Variants in ZFHX3 observed in about 807,000 individuals in gnomAD.
The protein encoded by ZFHX3 is zinc finger homeobox protein 3.
ZFHX3 carries 42 observed loss-of-function variants against 279.1 expected under a neutral mutation model. The observed-to-expected ratio is 0.15, with a 90% CI of 0.12 to 0.19. The LOEUF is 0.19. Among genes scored for constraint, ZFHX3 ranks in the 10% least tolerant of loss-of-function variants. The probability of loss-of-function intolerance (pLI) is 1.00; values close to 1 mark genes in which losing one functional copy is unlikely to be tolerated. For missense variants in ZFHX3, 4,981 were observed against 4,754.0 expected, an observed-to-expected ratio of 1.05 and a Z score of -1.40; for synonymous variants, 2,293 against 1,957.8, an observed-to-expected ratio of 1.17 and a Z score of -4.52.
rs570170594 is a variant in ZFHX3, at chr16:73,342,314, A to G, written c.-1290-23978T>C. On this transcript the variant is annotated intron_variant, in intron 3 of 17. Transcript: ENST00000641206. ...TGACCCAGGAATGTCACGTTTAGGA[A>G]TTCACCTAGGTAATTTATCCTGAAG... 1.3e-4 allele frequency among the ~76,000 whole-genome samples: 20 copies of G among 152,330 alleles called. No homozygotes were observed. The South Asian group carries it at 3.1e-3, about 24-fold the overall frequency.
intron 5 of ZFHX3, among the ~76,000 whole-genome samples, chr16:73,174,895 A>G (rs965358214): frequency 6.7e-6 from 1 of 148,380 alleles, no homozygotes; most frequent in African/African-American, 2.5e-5. Flanking sequence ...TTAGCCAGGC[A>G]TGGCGGCACA....
intron 7 of ZFHX3, among the ~76,000 whole-genome samples, chr16:72,802,372 G>T (rs914048559): frequency 2.6e-5 from 4 of 152,068 alleles, no homozygotes; most frequent in Non-Finnish European, 4.4e-5. Flanking sequence ...AGTAAGCAGC[G>T]GTTCTTTGTC....
intron 1 of ZFHX3, among the ~76,000 whole-genome samples, chr16:73,784,810 T>C (rs764461459): frequency 0.09 from 12,330 of 137,564 alleles, 1,859 homozygotes; most frequent in African/African-American, 0.32. Context: ...TATATATATA[T>C]ATATATACAC....
At chr16:73,507,071 A>G (rs1167894296) in intron 2 of ZFHX3, among the ~76,000 whole-genome samples, 1 of 151,636 alleles carries the variant, frequency 6.6e-6, no homozygotes. Flanking sequence ...TTCTACTGAC[A>G]CTCTTGGGAC....
intron 3 of ZFHX3, among the ~76,000 whole-genome samples, chr16:73,319,829 A>G (rs2015536875): frequency 6.6e-6 from 1 of 152,230 alleles, no homozygotes; most frequent in Admixed American, 6.5e-5. Flanking sequence ...GCGAAGAAGA[A>G]GAGAGAGGAG....
chr16:72,882,249 A>G (rs1278511964), intron 4 of ZFHX3, among the ~76,000 whole-genome samples: 1 of 142,588 alleles, frequency 7.0e-6, no homozygotes, highest in Admixed American at 7.5e-5. Flanking sequence ...TGCTTCTCCC[A>G]GTGGGCAGCG....
chr16:73,786,366 C>G (rs1229673814), intron 1 of ZFHX3, among the ~76,000 whole-genome samples: 2 of 152,094 alleles, frequency 1.3e-5, no homozygotes, highest in Non-Finnish European at 2.9e-5. Flanking sequence ...TCTGGATAAG[C>G]ATTTTCTATT....
chr16:73,650,231 A>G (rs2052657697), intron 2 of ZFHX3, among the ~76,000 whole-genome samples: 1 of 152,152 alleles, frequency 6.6e-6, no homozygotes, highest in Non-Finnish European at 1.5e-5. Flanking sequence ...TAAGATTATC[A>G]AAGATCTGAA....
At chr16:73,285,947 T>G (rs2143077768) in intron 4 of ZFHX3, among the ~76,000 whole-genome samples, 2 of 152,370 alleles carry the variant, frequency 1.3e-5, no homozygotes, top group South Asian at 4.1e-4. Flanking sequence ...TTGCATATAT[T>G]ATATTTTAAA....
At chr16:73,606,765 T>C (rs904828860) in intron 2 of ZFHX3, among the ~76,000 whole-genome samples, 2 of 152,038 alleles carry the variant, frequency 1.3e-5, no homozygotes, top group African/African-American at 4.8e-5. Flanking sequence ...CCAGTGTGTG[T>C]TGTTTCCCCA....
At chr16:73,299,229 T>C (rs1449836281) in intron 4 of ZFHX3, among the ~76,000 whole-genome samples, 1 of 152,200 alleles carries the variant, frequency 6.6e-6, no homozygotes, top group African/African-American at 2.4e-5. Flanking sequence ...TGCAGCCAGA[T>C]ATTGAAATAA....
intron 1 of ZFHX3, among the ~76,000 whole-genome samples, chr16:73,699,179 T>A (rs1394174197): frequency 1.3e-5 from 2 of 152,200 alleles, no homozygotes; most frequent in African/African-American, 4.8e-5. Context: ...AATTGTATTG[T>A]ATCAATGTCA....
At chr16:73,191,666 T>C (rs920665724) in intron 5 of ZFHX3, among the ~76,000 whole-genome samples, 3 of 151,924 alleles carry the variant, frequency 2.0e-5, no homozygotes, top group Admixed American at 6.6e-5. Flanking sequence ...GTAAGTCTGA[T>C]CTCTCTCTGG....
chr16:73,692,685 G>A (rs919125150), intron 1 of ZFHX3, among the ~76,000 whole-genome samples: 2 of 152,176 alleles, frequency 1.3e-5, no homozygotes, highest in African/African-American at 2.4e-5. Flanking sequence ...TAGAGTTCAC[G>A]ATGGAACAAT....
intron 1 of ZFHX3, among the ~76,000 whole-genome samples, chr16:73,003,420 G>T (rs1963568941): frequency 6.6e-6 from 1 of 151,946 alleles, no homozygotes; most frequent in Non-Finnish European, 1.5e-5. Context: ...AGGCACAATG[G>T]CTCACACCTA....
intron 1 of ZFHX3, among the ~76,000 whole-genome samples, chr16:73,760,555 C>T (rs1308903579): frequency 6.6e-6 from 1 of 152,050 alleles, no homozygotes; most frequent in East Asian, 1.9e-4. Context: ...CCAATATGAA[C>T]ATCAATGTAA....
rs780635872 is a variant in ZFHX3, at chr16:72,795,278, C to T, written c.7404G>A (p.Gln2468=). The part of the protein sequence containing the change: ...EQPEQKTNTP[Q]QKLPQLVSLP... ...GGGACACCAGCTGGGGGAGCTTCTG[C>T]TGGGGAGTGTTGGTCTTCTGCTCGG... The change falls in exon 9 of 10, where the codon CAG becomes CAA. Residue 2468 remains glutamine (Q), a synonymous_variant. Transcript: ENST00000268489. 6.2e-6 allele frequency: 10 copies of T among 1,613,380 alleles called. 1 individual carries two copies. Among genetic ancestry groups the T allele is most frequent in the South Asian group, 3.3e-5 (3 of 91,034 alleles).
chr16:73,672,416 C>T (rs1290121698), intron 2 of ZFHX3, among the ~76,000 whole-genome samples: 1 of 152,158 alleles, frequency 6.6e-6, no homozygotes, highest in African/African-American at 2.4e-5. Flanking sequence ...TTCAAAAACG[C>T]CATTACAACA....
At chr16:73,563,214 G>A (rs1260387597) in intron 2 of ZFHX3, among the ~76,000 whole-genome samples, 1 of 122,502 alleles carries the variant, frequency 8.2e-6, no homozygotes, top group Non-Finnish European at 1.7e-5. Context: ...GTGTGTGTGT[G>A]TGTGTGTGTT....
Sources: gnomAD v4.1 joint callset for allele counts (sites outside exome capture counted in the v4.1 genomes callset) on GRCh38, gnomAD v4.1.1 for gene constraint, MANE v1.5 for transcripts, NCBI Gene and HGNC (gene_info 2026-07-23, HGNC 2026-07-21) for gene names.